SPAG16: variants seen among roughly 807,000 people sequenced by gnomAD.
SPAG16 encodes the protein sperm-associated antigen 16 protein.
SPAG16 carries 86 observed loss-of-function variants against 80.4 expected under a neutral mutation model. That is an observed-to-expected ratio of 1.07 (90% CI 0.90 to 1.28). The LOEUF (loss-of-function observed/expected upper bound fraction) is 1.28, where lower values mean the gene tolerates loss of function less well. Among genes scored for constraint, SPAG16 ranks in the 50% most tolerant of loss-of-function variants. The pLI is 0.00. For synonymous variants in SPAG16, 294 were observed against 265.9 expected, an observed-to-expected ratio of 1.11 and a Z score of -1.03; for missense variants, 870 against 765.3, an observed-to-expected ratio of 1.14 and a Z score of -1.61.
intron 14 of SPAG16, among the ~76,000 whole-genome samples, chr2:214,122,125 A>G (rs2054250553): frequency 6.6e-6 from 1 of 151,788 alleles, no homozygotes. Flanking sequence ...TTTCTATAAC[A>G]TAATAGTAGT....
chr2:213,566,807 G>T (rs111400937), intron 10 of SPAG16, among the ~76,000 whole-genome samples: 3 of 152,104 alleles, frequency 2.0e-5, no homozygotes, highest in African/African-American at 7.2e-5. Context: ...TATTCAGCTC[G>T]CCTTTCCTGA....
At chr2:213,889,403 T>C (rs1234860330) in intron 11 of SPAG16, among the ~76,000 whole-genome samples, 1 of 151,884 alleles carries the variant, frequency 6.6e-6, no homozygotes, top group East Asian at 1.9e-4. Flanking sequence ...CATATTAGAC[T>C]TGTGGTTATA....
At chr2:214,386,860 G>T in intron 15 of SPAG16, among the ~76,000 whole-genome samples, 1 of 107,522 alleles carries the variant, frequency 9.3e-6, no homozygotes, top group Admixed American at 1.1e-4. Context: ...TGAGACCCTT[G>T]TCTCAAAAAA....
intron 5 of SPAG16, among the ~76,000 whole-genome samples, chr2:213,318,896 C>T (rs921858813): frequency 5.6e-4 from 85 of 151,742 alleles, no homozygotes; most frequent in African/African-American, 2.0e-3. Flanking sequence ...GAAAGGAAAC[C>T]TTTGTTTTGT....
chr2:213,926,787 C>G (rs903400542), intron 11 of SPAG16, among the ~76,000 whole-genome samples: 9 of 152,152 alleles, frequency 5.9e-5, no homozygotes, highest in African/African-American at 2.2e-4. Flanking sequence ...AGCTCATCCT[C>G]AGTCATGGCT....
rs114441153 is a variant in SPAG16 at position 213,693,715 on chromosome 2, G to T, written c.1071-168770G>T. ...GGAATTTAAGCTTTACATGAAGAGA[G>T]ACTTAAGTATATTTAGTCCTTGGTG... On this transcript the variant is annotated intron_variant, in intron 10 of 15. Transcript: ENST00000331683. Among the ~76,000 whole-genome samples, 1,447 of 152,294 alleles carry T rather than the reference G, an allele frequency of 9.5e-3. 6 individuals carry two copies. Among genetic ancestry groups the T allele is most frequent in the Non-Finnish European group, 0.015 (1,025 of 68,022 alleles).
At chr2:213,389,662 G>A (rs2067637482) in intron 9 of SPAG16, among the ~76,000 whole-genome samples, 1 of 152,066 alleles carries the variant, frequency 6.6e-6, no homozygotes, top group Admixed American at 6.5e-5. Flanking sequence ...TAATCATTAA[G>A]GAAATACAAA....
intron 15 of SPAG16, among the ~76,000 whole-genome samples, chr2:214,377,383 A>G (rs1007148807): frequency 2.8e-4 from 42 of 152,296 alleles, no homozygotes; most frequent in African/African-American, 9.9e-4. Context: ...GATATGTACC[A>G]TAGATGGAGG....
chr2:214,241,993 T>A (rs1046215942), intron 15 of SPAG16, among the ~76,000 whole-genome samples: 1 of 152,214 alleles, frequency 6.6e-6, no homozygotes, highest in African/African-American at 2.4e-5. Flanking sequence ...TAGCTTAACA[T>A]TCTCTTGCCT....
chr2:214,383,108 C>A (rs1167147234), intron 15 of SPAG16, among the ~76,000 whole-genome samples: 1 of 152,120 alleles, frequency 6.6e-6, no homozygotes. Flanking sequence ...ACATTTCAAC[C>A]TTCACTGAAC....
intron 13 of SPAG16, among the ~76,000 whole-genome samples, chr2:214,071,215 AG>A (rs1349738718): frequency 6.6e-6 from 1 of 152,142 alleles, no homozygotes; most frequent in Non-Finnish European, 1.5e-5. Context: ...TTATACAGCT[AG>A]GAAGATCTTC....
chr2:213,494,214 C>G (rs1438305569), intron 10 of SPAG16, among the ~76,000 whole-genome samples: 1 of 152,176 alleles, frequency 6.6e-6, no homozygotes, highest in Non-Finnish European at 1.5e-5. Flanking sequence ...TCTTTTCACT[C>G]TCATTTGCAG....
chr2:213,475,483 A>G (rs993658805), intron 9 of SPAG16, among the ~76,000 whole-genome samples: 3 of 152,156 alleles, frequency 2.0e-5, no homozygotes, highest in Non-Finnish European at 2.9e-5. Context: ...CTGAAAAGAG[A>G]GAGGGGAGAA....
chr2:214,311,014 C>T (rs992194637), intron 15 of SPAG16, among the ~76,000 whole-genome samples: 3 of 152,204 alleles, frequency 2.0e-5, no homozygotes, highest in Admixed American at 6.5e-5. Context: ...AGGACACTTA[C>T]GGCAACCTCC....
chr2:213,555,268 A>G (rs1407213186), intron 10 of SPAG16, among the ~76,000 whole-genome samples: 3 of 152,214 alleles, frequency 2.0e-5, no homozygotes, highest in African/African-American at 7.2e-5. Flanking sequence ...TTCCCACTCA[A>G]ATCTTAAATT....
chr2:213,607,047 AGAT>A (rs1453872930), intron 10 of SPAG16, among the ~76,000 whole-genome samples: 2 of 152,206 alleles, frequency 1.3e-5, no homozygotes, highest in African/African-American at 4.8e-5. Flanking sequence ...CTCATCAGAA[AGAT>A]GATATGTTTG....
chr2:214,038,027 G>C (rs1181256744), intron 13 of SPAG16, among the ~76,000 whole-genome samples: 1 of 152,030 alleles, frequency 6.6e-6, no homozygotes, highest in African/African-American at 2.4e-5. Flanking sequence ...TCTAATGGTT[G>C]TGTTAATCTT....
chr2:213,699,225 A>AT (rs1317517195), intron 10 of SPAG16, among the ~76,000 whole-genome samples: 1 of 150,482 alleles, frequency 6.6e-6, no homozygotes. Flanking sequence ...CACATTCTTT[A>AT]TTTTTTCTGT....
chr2:213,470,341 A>G (rs964301388), intron 9 of SPAG16, among the ~76,000 whole-genome samples: 21 of 152,240 alleles, frequency 1.4e-4, no homozygotes, highest in African/African-American at 4.6e-4. Context: ...GTCAGAGGCA[A>G]TGCTGTGTGG....
Sources: gnomAD v4.1 joint callset for allele counts (sites outside exome capture counted in the v4.1 genomes callset) on GRCh38, gnomAD v4.1.1 for gene constraint, MANE v1.5 for transcripts, NCBI Gene and HGNC (gene_info 2026-07-23, HGNC 2026-07-21) for gene names.